ERCC3: variants seen among roughly 807,000 people sequenced by gnomAD.
The protein encoded by ERCC3 is ERCC excision repair 3, TFIIH core complex helicase subunit.
A neutral mutation model predicts 94.2 loss-of-function variants in ERCC3; 66 were observed. The observed-to-expected ratio is 0.70, with a 90% CI of 0.57 to 0.86. The LOEUF is 0.86. Ranked by LOEUF, ERCC3 falls within the 40% of genes least tolerant of loss-of-function variation. ERCC3 has a pLI of 0.00. For synonymous variants in ERCC3, 349 were observed against 369.1 expected (o/e 0.95, Z 0.63); for missense variants, 829 against 987.1 (o/e 0.84, Z 2.15).
At chr2:127,290,395 C>T (rs1164209367) in intron 3 of ERCC3, 122 bp from the exon 4 acceptor site, 1 of 834,676 alleles carries the variant, frequency 1.2e-6, no homozygotes, top group South Asian at 1.4e-5. Flanking sequence ...GGAAACCCAA[C>T]TTGCAATCCT....
In ERCC3 at chr2:127,289,628, TGA is replaced by T. The variant is rs554006435; in HGVS notation, c.657+59_657+60del. 1.5e-4 allele frequency: 239 copies of T among 1,610,530 alleles called. No individual in the cohort carries two copies. In the African/African-American group the frequency reaches 2.8e-3, roughly 19 times the overall value. ...TTGTAAGTGCTGGGTTAAAGACACC[TGA>T]GAGAACTGAAATCCTAAATGCCTGC... On this transcript the variant is annotated intron_variant, in intron 5 of 14. Transcript: ENST00000285398.
chr2:127,261,390 G>C, intron 12 of ERCC3, 44 bp from the exon 13 acceptor site: 1 of 1,219,338 alleles, frequency 8.2e-7, no homozygotes, highest in Non-Finnish European at 1.2e-6. Flanking sequence ...GACAACATTA[G>C]CCATTAGAAT....
intron 12 of ERCC3, chr2:127,261,833 T>C (rs1312739809): frequency 9.8e-6 from 2 of 204,680 alleles, no homozygotes; most frequent in Non-Finnish European, 2.0e-5. Context: ...TAACTGCCAC[T>C]GTTGTCAAGG....
chr2:127,272,007 CTTTTTTTTTTTTTTT>C (rs59921131), intron 11 of ERCC3, among the ~76,000 whole-genome samples: 16 of 63,034 alleles, frequency 2.5e-4, no homozygotes, highest in African/African-American at 3.2e-4. Flanking sequence ...AATCTCATTT[CTTTTTTTTTTTTTTT>C]TTTTTTTTTT....
chr2:127,282,139 G>A (rs1050350874), intron 8 of ERCC3, among the ~76,000 whole-genome samples: 1 of 152,116 alleles, frequency 6.6e-6, no homozygotes, highest in African/African-American at 2.4e-5. Flanking sequence ...TCAGGATATA[G>A]AGAACCAGGC....
Position 127,259,615 on chromosome 2 carries a change from G to C in ERCC3, c.2065-167C>G. ...CTAGCATTCCAGAGACCAGCATCAG[G>C]AGCCGCCTTTAACAGGGAGCTTGAC... On this transcript the variant is annotated intron_variant, in intron 13 of 14. Coordinates refer to ENST00000285398, the MANE Select transcript of ERCC3 (RefSeq NM_000122.2). The surrounding 1 kb of genome is among the most constrained non-coding windows in gnomAD (Gnocchi z 4.9). 1 of 818,910 alleles carries C rather than the reference G, an allele frequency of 1.2e-6. No homozygotes were observed. Among genetic ancestry groups the C allele is most frequent in the Admixed American group, 2.0e-5 (1 of 51,220 alleles). The allele number at this position is 818,910 out of a possible 1,614,324, so 50.7% of individuals were successfully genotyped here.
At chr2:127,267,964 T>C (rs781069883) in intron 12 of ERCC3, among the ~76,000 whole-genome samples, 9 of 152,158 alleles carry the variant, frequency 5.9e-5, no homozygotes, top group Non-Finnish European at 1.2e-4. Context: ...TTTTGTTTTT[T>C]TGTTTTGAGA....
chr2:127,265,608 G>A (rs919476611), intron 12 of ERCC3, among the ~76,000 whole-genome samples: 11 of 152,044 alleles, frequency 7.2e-5, no homozygotes, highest in Non-Finnish European at 1.5e-4. Flanking sequence ...TAGTAGAGAC[G>A]GGGTTTCTCC....
Position 127,271,797 on chromosome 2 carries a change from C to T in ERCC3, c.1828-344G>A, listed in dbSNP as rs2104748516. Among the ~76,000 whole-genome samples, 1 of 152,196 alleles carries T rather than the reference C, an allele frequency of 6.6e-6. No individual in the cohort carries two copies. Among genetic ancestry groups the T allele is most frequent in the East Asian group, 1.9e-4 (1 of 5,168 alleles). On this transcript the variant is annotated intron_variant, in intron 11 of 14. Coordinates refer to ENST00000285398, the MANE Select transcript of ERCC3 (RefSeq NM_000122.2). This position sits in a 1 kb window ranked among gnomAD's most constrained non-coding sequence, Gnocchi z 5.0. ...CATTTTTTTGGCTACAGAAATATGT[C>T]TCCACAAAACCATCCATACTCTTAC...
At position 127,289,769 on chromosome 2, in the gene ERCC3, C is replaced by A. The variant is rs144491407; in HGVS notation, c.577G>T (p.Val193Leu). 6.2e-7 allele frequency: 1 copy of A among 1,614,036 alleles called. No individual in the cohort carries two copies. The highest frequency in any genetic ancestry group is 8.5e-7 in the Non-Finnish European group (1 of 1,179,972). ...DVIQHLLQDP[V>L]IRECRLRNSE... Reference sequence around the variant, plus strand: ...TTTCTTAAGCGGCATTCTCGGATCACGGGGTCCTGGAGAAGATGCTGGATT... The same window carrying A: ...TTTCTTAAGCGGCATTCTCGGATCAAGGGGTCCTGGAGAAGATGCTGGATT... Residue 193 changes from valine to leucine, a missense_variant, in exon 5 of 15, where the codon GTG (valine) becomes TTG (leucine). Val to Leu is a conservative substitution (Grantham distance 32). Transcript: ENST00000285398.
intron 12 of ERCC3, among the ~76,000 whole-genome samples, chr2:127,269,529 C>T (rs1414282104): frequency 6.7e-6 from 1 of 148,254 alleles, no homozygotes; most frequent in Non-Finnish European, 1.5e-5. Context: ...TCACGCCATT[C>T]TCCTGCCTCA....
rs752651432 is a variant in ERCC3, at chr2:127,280,424, G to A, written c.1527+23C>T. On this transcript the variant is annotated intron_variant, in intron 9 of 14. Transcript: ENST00000285398. This position sits in a 1 kb window ranked among gnomAD's most constrained non-coding sequence, Gnocchi z 6.3. ...CATAGGAGGAGGCCCTTTCCCAGAC[G>A]CCCCCAGCCCAGGCCCAGCTACCTC... is the stretch of plus-strand genomic sequence containing the variant. 8.7e-6 allele frequency: 14 copies of A among 1,600,520 alleles called. No individual in the cohort carries two copies. The highest frequency in any genetic ancestry group is 1.3e-5 in the African/African-American group (1 of 74,560).
At chr2:127,288,943 G>T in intron 6 of ERCC3, 79 bp from the exon 7 acceptor site, 2 of 1,136,082 alleles carry the variant, frequency 1.8e-6, no homozygotes, top group Non-Finnish European at 2.7e-6. Context: ...AGGTCCAATG[G>T]TCAAAAAAGT....
At chr2:127,276,126 T>C (rs1684730132) in intron 10 of ERCC3, among the ~76,000 whole-genome samples, 3 of 152,134 alleles carry the variant, frequency 2.0e-5, no homozygotes, top group Admixed American at 1.3e-4. Context: ...AATGCAAAGA[T>C]TCCACAAGCC....
At chr2:127,270,044 CAATA>C (rs892772280) in intron 12 of ERCC3, among the ~76,000 whole-genome samples, 8 of 151,774 alleles carry the variant, frequency 5.3e-5, no homozygotes, top group African/African-American at 1.9e-4. Context: ...ATCAATCAAT[CAATA>C]AAGGAGTTTT....
At position 127,268,023 on chromosome 2, in the gene ERCC3, G is replaced by A. The variant is rs4150504; in HGVS notation, c.1945+3313C>T. Among the ~76,000 whole-genome samples, 1,276 of 151,852 alleles carry A rather than the reference G, an allele frequency of 8.4e-3. 20 individuals are homozygous for A. Among genetic ancestry groups the A allele is most frequent in the African/African-American group, 0.029 (1,215 of 41,392 alleles). ...GGCTGGAGTGCAATGGTGCAATCTCGGCTCACTGAAACCTCTGCCTCCTGG... is the reference window on the plus strand; with the variant it reads ...GGCTGGAGTGCAATGGTGCAATCTCAGCTCACTGAAACCTCTGCCTCCTGG... On this transcript the variant is annotated intron_variant, in intron 12 of 14. Transcript: ENST00000285398.
At position 127,286,929 on chromosome 2, in the gene ERCC3, C is replaced by T. The variant is rs141001550; in HGVS notation, c.1116G>A (p.Glu372=). Residue 372 remains glutamate (E), a synonymous_variant, in exon 8 of 15, where the codon GAG becomes GAA. Coordinates refer to ENST00000285398, the MANE Select transcript of ERCC3 (RefSeq NM_000122.2). ...ACATCTTGAACTGGGCTTTCCACTG[C>T]TCCACAGAAACAGCTGAGTTGCCCA... ...LVLGNSAVSV[E]QWKAQFKMWS... 2.8e-5 allele frequency: 45 copies of T among 1,614,174 alleles called. No individual in the cohort carries two copies. In the African/African-American group the frequency reaches 6.0e-4, roughly 22 times the overall value.
chr2:127,283,447 T>C (rs1684978144), intron 8 of ERCC3, among the ~76,000 whole-genome samples: 1 of 152,218 alleles, frequency 6.6e-6, no homozygotes, highest in African/African-American at 2.4e-5. Flanking sequence ...CTGAGTAGTG[T>C]TCCAGTGTAT....
At chr2:127,261,697 A>T (rs2104732690) in intron 12 of ERCC3, 1 of 328,748 alleles carries the variant, frequency 3.0e-6, no homozygotes, top group South Asian at 2.7e-5. Context: ...AACAATATAA[A>T]AATAGCCAGT....
Sources: gnomAD v4.1 joint callset for allele counts (sites outside exome capture counted in the v4.1 genomes callset) on GRCh38, gnomAD v4.1.1 for gene constraint, Gnocchi (gnomAD v3.1) non-coding constraint, MANE v1.5 for transcripts, NCBI Gene and HGNC (gene_info 2026-07-23, HGNC 2026-07-21) for gene names.